The following LURAP1L variants were observed in gnomAD, a reference collection of about 807,000 sequenced individuals.
LURAP1L encodes leucine rich adaptor protein 1-like.
A neutral mutation model predicts 13.8 loss-of-function variants in LURAP1L; 12 were observed. That is an observed-to-expected ratio of 0.87 (90% CI 0.56 to 1.41). The LOEUF is 1.41. Among genes scored for constraint, LURAP1L ranks in the 40% most tolerant of loss-of-function variants. The pLI, the probability that LURAP1L is intolerant of heterozygous loss-of-function variation, is 0.00. For missense variants in LURAP1L, 375 were observed against 292.9 expected, an observed-to-expected ratio of 1.28 and a Z score of -2.04; for synonymous variants, 139 against 119.2, an observed-to-expected ratio of 1.17 and a Z score of -1.08.
At chr9:12,798,499 C>A (rs898517942) in intron 1 of LURAP1L, among the ~76,000 whole-genome samples, 3 of 152,156 alleles carry the variant, frequency 2.0e-5, no homozygotes, top group African/African-American at 7.2e-5. Flanking sequence ...ATTCTTTTCA[C>A]CTTTTGTAGT....
Position 12,821,806 on chromosome 9 carries a change from T to C in LURAP1L, c.*46T>C, listed in dbSNP as rs747779739. 3.9e-6 allele frequency: 6 copies of C among 1,551,046 alleles called. No individual in the cohort carries two copies. The South Asian group carries it at 7.2e-5, about 19-fold the overall frequency. ...CTGGTGTGCAATGAACTTGTATTTATCCTTCTTCTCCGCTGCTATATTTTT... is the reference window on the plus strand; with the variant it reads ...CTGGTGTGCAATGAACTTGTATTTACCCTTCTTCTCCGCTGCTATATTTTT... On this transcript the variant is annotated 3_prime_UTR_variant, in exon 2 of 2. Coordinates refer to ENST00000319264, the MANE Select transcript of LURAP1L (RefSeq NM_203403.2).
chr9:12,812,445 T>G (rs114769431), intron 1 of LURAP1L, among the ~76,000 whole-genome samples: 2,554 of 152,314 alleles, frequency 0.017, 79 homozygotes, highest in African/African-American at 0.059. Context: ...TTATTTTTAC[T>G]CACTCTCTGT....
chr9:12,791,393 C>T (rs1483910589), intron 1 of LURAP1L, among the ~76,000 whole-genome samples: 1 of 152,054 alleles, frequency 6.6e-6, no homozygotes, highest in Non-Finnish European at 1.5e-5. Flanking sequence ...TTCCCAAAGG[C>T]ATCCATTTTA....
At chr9:12,777,740 T>A in intron 1 of LURAP1L, 3 of 236,284 alleles carry the variant, frequency 1.3e-5, no homozygotes, top group Non-Finnish European at 2.1e-5. Context: ...GGTATGTATG[T>A]GAAGATCATT....
chr9:12,815,452 C>G (rs570388694), intron 1 of LURAP1L, among the ~76,000 whole-genome samples: 1 of 152,146 alleles, frequency 6.6e-6, no homozygotes, highest in Non-Finnish European at 1.5e-5. Context: ...TTAGTTTCTC[C>G]TAATGAGAAA....
chr9:12,777,025 T>C (rs915604190), intron 1 of LURAP1L, among the ~76,000 whole-genome samples: 3 of 152,128 alleles, frequency 2.0e-5, no homozygotes. Flanking sequence ...GTTGCAACAG[T>C]GGGCCTCAAA....
At chr9:12,816,447 G>A (rs892694098) in intron 1 of LURAP1L, among the ~76,000 whole-genome samples, 8 of 152,142 alleles carry the variant, frequency 5.3e-5, no homozygotes, top group Non-Finnish European at 1.0e-4. Flanking sequence ...GAAGATAGTG[G>A]CAGTGGCAGA....
chr9:12,791,621 AC>A (rs1819441859), intron 1 of LURAP1L, among the ~76,000 whole-genome samples: 1 of 151,178 alleles, frequency 6.6e-6, no homozygotes, highest in East Asian at 1.9e-4. Flanking sequence ...TTTTATATTG[AC>A]CTTTCTCATT....
At chr9:12,814,530 A>G (rs1819779109) in intron 1 of LURAP1L, among the ~76,000 whole-genome samples, 1 of 152,202 alleles carries the variant, frequency 6.6e-6, no homozygotes, top group South Asian at 2.1e-4. Context: ...GCATCTAAGT[A>G]TCAATTGGAC....
chr9:12,821,572 C>T lies in LURAP1L; in HGVS notation c.499C>T (p.Leu167=), dbSNP rs1237094392. The T allele has an allele frequency of 1.9e-6, 3 of 1,614,038 alleles. No homozygotes were observed. Among genetic ancestry groups the T allele is most frequent in the African/African-American group, 1.3e-5 (1 of 74,922 alleles). The change falls in exon 2 of 2, where the codon CTA becomes TTA. Residue 167 remains leucine, a synonymous_variant. Coordinates refer to ENST00000319264, the MANE Select transcript of LURAP1L (RefSeq NM_203403.2). ...CTCCTTACGTGGCAGCTACAACAGCCTACACGATGGCAGTGATGGGCTGGA... is the reference window on the plus strand; with the variant it reads ...CTCCTTACGTGGCAGCTACAACAGCTTACACGATGGCAGTGATGGGCTGGA... ...STSLRGSYNS[L]HDGSDGLDGI... is the part of the protein sequence containing the mutation.
intron 1 of LURAP1L, among the ~76,000 whole-genome samples, chr9:12,806,112 CA>C (rs1335919367): frequency 6.6e-6 from 1 of 152,138 alleles, no homozygotes; most frequent in Non-Finnish European, 1.5e-5. Context: ...GGGCAACCTT[CA>C]AATCTGTCAA....
chr9:12,800,927 C>A (rs887828013), intron 1 of LURAP1L, among the ~76,000 whole-genome samples: 2 of 152,124 alleles, frequency 1.3e-5, no homozygotes. Context: ...CTGTCAAGTG[C>A]TTCTGTTTAG....
At chr9:12,787,768 G>C (rs989110684) in intron 1 of LURAP1L, among the ~76,000 whole-genome samples, 1 of 152,112 alleles carries the variant, frequency 6.6e-6, no homozygotes, top group African/African-American at 2.4e-5. Flanking sequence ...GCGTGTGCCT[G>C]AAAGTCATAC....
At chr9:12,776,336 C>T (rs1427845198) in intron 1 of LURAP1L, among the ~76,000 whole-genome samples, 1 of 152,174 alleles carries the variant, frequency 6.6e-6, no homozygotes, top group African/African-American at 2.4e-5. Context: ...CCCGTAGCCT[C>T]TTAGGCACCA....
intron 1 of LURAP1L, among the ~76,000 whole-genome samples, chr9:12,782,286 T>A (rs779675876): frequency 3.2e-4 from 48 of 152,240 alleles, no homozygotes; most frequent in Admixed American, 5.2e-4. Context: ...CCATTTTTGC[T>A]TCGGTTGCCT....
At chr9:12,789,225 T>C (rs1819406942) in intron 1 of LURAP1L, among the ~76,000 whole-genome samples, 2 of 152,336 alleles carry the variant, frequency 1.3e-5, no homozygotes, top group Middle Eastern at 6.8e-3. Flanking sequence ...GATGTGCTTT[T>C]AAGCACTTAA....
At chr9:12,813,418 C>T (rs1048166977) in intron 1 of LURAP1L, among the ~76,000 whole-genome samples, 2 of 152,064 alleles carry the variant, frequency 1.3e-5, no homozygotes, top group Admixed American at 1.3e-4. Flanking sequence ...CGTATATGCT[C>T]TAGTACCGAG....
intron 1 of LURAP1L, among the ~76,000 whole-genome samples, chr9:12,817,006 T>C (rs1228614465): frequency 6.6e-6 from 1 of 152,228 alleles, no homozygotes; most frequent in Non-Finnish European, 1.5e-5. Flanking sequence ...TGTGCTAGTA[T>C]CGGTTATCAC....
intron 1 of LURAP1L, among the ~76,000 whole-genome samples, chr9:12,787,600 T>C (rs550146687): frequency 6.6e-6 from 1 of 152,330 alleles, no homozygotes; most frequent in Non-Finnish European, 1.5e-5. Flanking sequence ...CATCAACCTT[T>C]GGTTGAACTT....
Sources: allele counts gnomAD v4.1 joint callset (sites outside exome capture counted in the v4.1 genomes callset), GRCh38; gene constraint gnomAD v4.1.1; transcripts MANE v1.5; gene names NCBI Gene and HGNC (gene_info 2026-07-23, HGNC 2026-07-21).